OSBPL3: variants seen among roughly 807,000 people sequenced by gnomAD.
OSBPL3 encodes oxysterol-binding protein-related protein 3.
In OSBPL3, 65 loss-of-function variants were observed where a neutral mutation model predicts 120.1. The observed-to-expected ratio is 0.54, with a 90% CI of 0.44 to 0.67. OSBPL3 has a LOEUF of 0.67. OSBPL3 is among the 30% of genes least tolerant of loss of function. OSBPL3 has a pLI of 0.00. For synonymous variants in OSBPL3, 416 were observed against 402.6 expected, an observed-to-expected ratio of 1.03 and a Z score of -0.40; for missense variants, 1,004 against 1,082.1, an observed-to-expected ratio of 0.93 and a Z score of 1.01.
chr7:24,971,012 TC>T (rs1307869656), intron 1 of OSBPL3, among the ~76,000 whole-genome samples: 9 of 152,114 alleles, frequency 5.9e-5, no homozygotes, highest in Non-Finnish European at 1.3e-4. Flanking sequence ...GACAAGAAAA[TC>T]CTCTCAAACT....
rs374921777 is a variant in OSBPL3 at position 24,863,255 on chromosome 7, G to C, written c.815C>G (p.Ser272Trp). 3.7e-6 allele frequency: 6 copies of C among 1,614,142 alleles called. No individual in the cohort carries two copies. In the Admixed American group the frequency reaches 6.7e-5, roughly 18 times the overall value. The change falls in exon 9 of 23, where the codon TCG (serine) becomes TGG (tryptophan). Residue 272 changes from serine to tryptophan, a missense_variant. Coordinates refer to ENST00000313367, the MANE Select transcript of OSBPL3 (RefSeq NM_015550.4). The surrounding 1 kb of genome is among the most constrained non-coding windows in gnomAD (Gnocchi z 5.8). ...SFESPKKEKR[S>W]HRRWRSRAIG... Reference sequence around the variant, plus strand: ...AGCTCTGGACCGCCACCTCCTGTGCGATCTTTTTTCCTTTTTGGGACTTTC... The same window carrying C: ...AGCTCTGGACCGCCACCTCCTGTGCCATCTTTTTTCCTTTTTGGGACTTTC...
rs142312387 is a variant in OSBPL3 at position 24,975,143 on chromosome 7, C to A, written c.-150+4743G>T. On this transcript the variant is annotated intron_variant, in intron 1 of 22. Transcript: ENST00000313367. ...CAAAAATTCCATTTGAATTCCATAA[C>A]AATTTTAGTACATTTTTAGTAACAG... Among the ~76,000 whole-genome samples, 644 of 152,220 alleles carry A rather than the reference C, an allele frequency of 4.2e-3. 3 individuals are homozygous for A. The highest frequency in any genetic ancestry group is 7.2e-3 in the Non-Finnish European group (488 of 68,004).
chr7:24,950,792 G>A (rs1404798653), intron 1 of OSBPL3, among the ~76,000 whole-genome samples: 2 of 152,144 alleles, frequency 1.3e-5, no homozygotes, highest in Admixed American at 6.5e-5. Context: ...TGAAATGAAA[G>A]AAAGAGGGTC....
chr7:24,798,140 T>G lies in OSBPL3; in HGVS notation c.*2043A>C, dbSNP rs1791914249. 6.6e-6 allele frequency: 1 copy of G among 152,220 alleles called. No individual in the cohort carries two copies. The highest frequency in any genetic ancestry group is 2.1e-4 in the South Asian group (1 of 4,826). 9.4% of individuals were successfully genotyped at this position (152,220 alleles called of 1,614,324 possible). A position where few individuals can be genotyped will look rare whatever the true frequency, so the allele number is the denominator to read the frequency against. On this transcript the variant is annotated 3_prime_UTR_variant, in exon 23 of 23. Transcript: ENST00000313367. The surrounding 1 kb of genome is among the most constrained non-coding windows in gnomAD (Gnocchi z 4.6). ...AGATGACTACAGACGTAATGTTTCA[T>G]CCAGTTGTCCCTGGGACTCTAAAAT...
intron 1 of OSBPL3, among the ~76,000 whole-genome samples, chr7:24,949,546 T>C (rs1017057430): frequency 1.3e-5 from 2 of 152,200 alleles, no homozygotes; most frequent in African/African-American, 4.8e-5. Flanking sequence ...CCTTGTCATA[T>C]TCCCTCCACC....
Position 24,870,806 on chromosome 7 carries a change from G to A in OSBPL3, c.307C>T (p.Leu103Phe), listed in dbSNP as rs764948190. The change falls in exon 5 of 23, where the codon CTC (leucine) becomes TTC (phenylalanine). Residue 103 changes from leucine to phenylalanine, a missense_variant. Physicochemically the swap from Leu to Phe is conservative, Grantham distance 22. Coordinates refer to ENST00000313367, the MANE Select transcript of OSBPL3 (RefSeq NM_015550.4). ...EKLHGCIDVG[L>F]SVMSVKKSSK... is the part of the protein sequence containing the mutation. ...GACTTCTTTACAGACATCACTGAGA[G>A]CCCGACATCAATGCAGCCATGCAGC... The A allele has an allele frequency of 6.2e-7, 1 of 1,613,724 alleles. No individual in the cohort carries two copies. Among genetic ancestry groups the A allele is most frequent in the Non-Finnish European group, 8.5e-7 (1 of 1,179,636 alleles).
chr7:24,798,240 A>C lies in OSBPL3; in HGVS notation c.*1943T>G, dbSNP rs2128082564. ...AATGCCACATGACAGTGCTACGTCC[A>C]TTCAGGCTGTGCATTTTGTTTTCGT... On this transcript the variant is annotated 3_prime_UTR_variant, in exon 23 of 23. Coordinates refer to ENST00000313367, the MANE Select transcript of OSBPL3 (RefSeq NM_015550.4). The surrounding 1 kb of genome is among the most constrained non-coding windows in gnomAD (Gnocchi z 4.6). 6.6e-6 allele frequency: 1 copy of C among 152,370 alleles called. No individual in the cohort carries two copies. 9.4% of individuals were successfully genotyped at this position (152,370 alleles called of 1,614,324 possible).
At chr7:24,800,360 G>A (rs755230714) in intron 22 of OSBPL3, 81 bp from the exon 23 acceptor site, 75 of 769,110 alleles carry the variant, frequency 9.8e-5, no homozygotes, top group Non-Finnish European at 1.6e-4. Flanking sequence ...TAACCTCCCT[G>A]CTTTCCCCAT....
intron 1 of OSBPL3, among the ~76,000 whole-genome samples, chr7:24,917,064 T>C (rs1052250742): frequency 1.3e-5 from 2 of 152,132 alleles, no homozygotes; most frequent in African/African-American, 2.4e-5. Flanking sequence ...TTTGTAACTA[T>C]ATACAATTTG....
intron 10 of OSBPL3, among the ~76,000 whole-genome samples, chr7:24,860,987 T>C (rs917847777): frequency 1.3e-5 from 2 of 152,264 alleles, no homozygotes; most frequent in African/African-American, 4.8e-5. Context: ...TTTAATTTTA[T>C]ACAACACTGC....
chr7:24,821,258 C>T lies in OSBPL3; in HGVS notation c.1885-1020G>A, dbSNP rs891087187. Among the ~76,000 whole-genome samples, 2 of 152,222 alleles carry T rather than the reference C, an allele frequency of 1.3e-5. No individual in the cohort carries two copies. The highest frequency in any genetic ancestry group is 4.8e-5 in the African/African-American group (2 of 41,454). The stretch of plus-strand genomic sequence containing the variant: ...GAAAGATAAAGTAACATTTCCCAAG[C>T]CACACCAATAGTCAGGGAAGAGGTA... On this transcript the variant is annotated intron_variant, in intron 16 of 22. Coordinates refer to ENST00000313367, the MANE Select transcript of OSBPL3 (RefSeq NM_015550.4). This position sits in a 1 kb window ranked among gnomAD's most constrained non-coding sequence, Gnocchi z 5.5.
At position 24,964,026 on chromosome 7, in the gene OSBPL3, G is replaced by A. The variant is rs1435567473; in HGVS notation, c.-150+15860C>T. Among the ~76,000 whole-genome samples the A allele has an allele frequency of 3.3e-5, 5 of 152,110 alleles. No individual in the cohort carries two copies. Among genetic ancestry groups the A allele is most frequent in the Admixed American group, 3.3e-4 (5 of 15,268 alleles). On this transcript the variant is annotated intron_variant, in intron 1 of 22. Transcript: ENST00000313367. The surrounding 1 kb of genome is among the most constrained non-coding windows in gnomAD (Gnocchi z 4.2). ...AAAGCACTCCTAATAGCTAAAGCTG[G>A]ACGAACTTCAGAAACAAAATAAAGT...
intron 1 of OSBPL3, among the ~76,000 whole-genome samples, chr7:24,975,399 T>G (rs1415610315): frequency 1.3e-5 from 2 of 152,278 alleles, no homozygotes; most frequent in Non-Finnish European, 2.9e-5. Context: ...GATGGCATAT[T>G]CGTTGTTTCA....
In OSBPL3 at chr7:24,897,603, G is replaced by C. The variant is rs1806371643; in HGVS notation, c.-149-4982C>G. On this transcript the variant is annotated intron_variant, in intron 1 of 22. Coordinates refer to ENST00000313367, the MANE Select transcript of OSBPL3 (RefSeq NM_015550.4). ...GCCTCCCAAAGTGCTGGGATTACAG[G>C]CGTGAGCCACCGCGCCCGGCCAGAT... 2.0e-5 allele frequency among the ~76,000 whole-genome samples: 3 copies of C among 152,110 alleles called. No homozygotes were observed. The South Asian group carries it at 6.2e-4, about 32-fold the overall frequency.
chr7:24,900,953 G>A lies in OSBPL3; in HGVS notation c.-149-8332C>T, dbSNP rs1042291351. 6.6e-5 allele frequency among the ~76,000 whole-genome samples: 10 copies of A among 151,936 alleles called. No individual in the cohort carries two copies. Among genetic ancestry groups the A allele is most frequent in the African/African-American group, 2.2e-4 (9 of 41,456 alleles). On this transcript the variant is annotated intron_variant, in intron 1 of 22. Transcript: ENST00000313367. The surrounding 1 kb of genome is among the most constrained non-coding windows in gnomAD (Gnocchi z 4.5). ...GGAGGATGACTTGAGTCTGGGAGGCGGAGGTTGCAGTGAGCTGAGGTTTTG... is the reference window on the plus strand; with the variant it reads ...GGAGGATGACTTGAGTCTGGGAGGCAGAGGTTGCAGTGAGCTGAGGTTTTG...
chr7:24,825,482 T>C (rs1423883123), intron 16 of OSBPL3, among the ~76,000 whole-genome samples: 1 of 152,084 alleles, frequency 6.6e-6, no homozygotes, highest in Non-Finnish European at 1.5e-5. Flanking sequence ...TTGCAAAAAA[T>C]TAAAAAACAA....
intron 2 of OSBPL3, among the ~76,000 whole-genome samples, chr7:24,885,734 T>C (rs17150435): frequency 0.05 from 7,654 of 152,338 alleles, 396 homozygotes; most frequent in African/African-American, 0.13. Flanking sequence ...TTATTTATGA[T>C]GAACTGTTCA....
intron 5 of OSBPL3, among the ~76,000 whole-genome samples, chr7:24,870,508 C>G (rs4722397): frequency 0.45 from 68,619 of 152,026 alleles, 16,864 homozygotes; most frequent in East Asian, 0.83. Context: ...GGGGCAGGTT[C>G]GTATCTAGGG....
rs921717000 is a variant in OSBPL3, at chr7:24,827,871, A to G, written c.1884+2897T>C. ...TGTCAGAGACTCACCAGCGACATCA[A>G]GTCCCCTTCAAACTACTTGTACTAG... On this transcript the variant is annotated intron_variant, in intron 16 of 22. Coordinates refer to ENST00000313367, the MANE Select transcript of OSBPL3 (RefSeq NM_015550.4). This position sits in a 1 kb window ranked among gnomAD's most constrained non-coding sequence, Gnocchi z 5.1. 1.3e-5 allele frequency among the ~76,000 whole-genome samples: 2 copies of G among 152,220 alleles called. No homozygotes were observed. The highest frequency in any genetic ancestry group is 2.1e-4 in the South Asian group (1 of 4,830).
Sources: allele counts gnomAD v4.1 joint callset (sites outside exome capture counted in the v4.1 genomes callset), GRCh38; gene constraint gnomAD v4.1.1; non-coding constraint Gnocchi (gnomAD v3.1); transcripts MANE v1.5; gene names NCBI Gene and HGNC (gene_info 2026-07-23, HGNC 2026-07-21).